The following LRRC1 variants were observed in gnomAD, a reference collection of about 807,000 sequenced individuals.
LRRC1 encodes the protein leucine-rich repeat-containing protein 1.
Under a neutral mutation model 69.9 loss-of-function variants are expected in LRRC1, and 28 were observed. That is an observed-to-expected ratio of 0.40 (90% CI 0.30 to 0.55). The LOEUF (loss-of-function observed/expected upper bound fraction) is 0.55, where lower values mean the gene tolerates loss of function less well. Among genes scored for constraint, LRRC1 ranks in the 20% least tolerant of loss-of-function variants. The probability of loss-of-function intolerance (pLI) is 0.47; values close to 1 mark genes in which losing one functional copy is unlikely to be tolerated. For missense variants in LRRC1, 498 were observed against 609.0 expected, an observed-to-expected ratio of 0.82 and a Z score of 1.92; for synonymous variants, 236 against 240.2, an observed-to-expected ratio of 0.98 and a Z score of 0.16.
intron 3 of LRRC1, among the ~76,000 whole-genome samples, chr6:53,881,684 AAGAT>A (rs1251911566): frequency 1.3e-5 from 2 of 152,218 alleles, no homozygotes. Context: ...GGAACCTAGA[AAGAT>A]AAAAATGGAA....
At chr6:53,896,364 A>AT in intron 4 of LRRC1, 134 bp from the exon 5 acceptor site, 1 of 712,642 alleles carries the variant, frequency 1.4e-6, no homozygotes, top group Non-Finnish European at 2.5e-6. Context: ...GATGATAGGT[A>AT]TTTTTACCCT....
At chr6:53,840,913 TGTGTGTGTGTGTGTGC>T (rs1164639456) in intron 1 of LRRC1, among the ~76,000 whole-genome samples, 1 of 144,408 alleles carries the variant, frequency 6.9e-6, no homozygotes, top group South Asian at 2.2e-4. Context: ...TGTGTGTGTG[TGTGTGTGTGTGTGTGC>T]GTGCGCGCAC....
intron 1 of LRRC1, among the ~76,000 whole-genome samples, chr6:53,829,763 G>A (rs950949729): frequency 1.3e-5 from 2 of 152,120 alleles, no homozygotes; most frequent in African/African-American, 4.8e-5. Flanking sequence ...AATTGTCCTG[G>A]GAGCTTACCG....
intron 1 of LRRC1, among the ~76,000 whole-genome samples, chr6:53,819,077 A>G (rs1355926192): frequency 6.6e-6 from 1 of 152,184 alleles, no homozygotes; most frequent in Non-Finnish European, 1.5e-5. Context: ...TCAGAGCCTG[A>G]GTTAAAGCTC....
chr6:53,901,231 C>T (rs183328047), intron 8 of LRRC1, among the ~76,000 whole-genome samples: 1 of 152,176 alleles, frequency 6.6e-6, no homozygotes, highest in African/African-American at 2.4e-5. Context: ...ATCAAATGGG[C>T]AAAATGAAAG....
In LRRC1 at chr6:53,796,100, G is replaced by C. The variant is rs376842683; in HGVS notation, c.159+685G>C. Among the ~76,000 whole-genome samples, 7 of 152,340 alleles carry C rather than the reference G, an allele frequency of 4.6e-5. No individual in the cohort carries two copies. In the East Asian group the frequency reaches 7.7e-4, roughly 17 times the overall value. On this transcript the variant is annotated intron_variant, in intron 1 of 13. Transcript: ENST00000370888. ...TACGTGGACCTGTTGCGTGGTGGGA[G>C]CTGCGGTGAACGTCAGCGGAGGCTC...
In LRRC1 at chr6:53,812,420, G is replaced by T. The variant is rs1764817903; in HGVS notation, c.159+17005G>T. On this transcript the variant is annotated intron_variant, in intron 1 of 13. Coordinates refer to ENST00000370888, the MANE Select transcript of LRRC1 (RefSeq NM_018214.5). ...AATTTGAAGAAAGAGGCCGGGCGCG[G>T]TGGCTCACGCCTGTAATCCCAGCAC... Among the ~76,000 whole-genome samples, 3 of 152,122 alleles carry T rather than the reference G, an allele frequency of 2.0e-5. No individual in the cohort carries two copies. In the South Asian group the frequency reaches 6.2e-4, roughly 32 times the overall value.
chr6:53,827,841 T>C (rs1362691582), intron 1 of LRRC1, among the ~76,000 whole-genome samples: 1 of 152,172 alleles, frequency 6.6e-6, no homozygotes, highest in African/African-American at 2.4e-5. Context: ...TAGTGTAAGA[T>C]ATGAGCAAGC....
At chr6:53,797,258 T>C (rs6458957) in intron 1 of LRRC1, among the ~76,000 whole-genome samples, 125,651 of 151,994 alleles carry the variant, frequency 0.83, 52,160 homozygotes, top group East Asian at 0.96. Flanking sequence ...TCTGTAAATA[T>C]GGTAAATAAA....
At chr6:53,817,679 A>G (rs1473146477) in intron 1 of LRRC1, among the ~76,000 whole-genome samples, 1 of 152,148 alleles carries the variant, frequency 6.6e-6, no homozygotes, top group South Asian at 2.1e-4. Context: ...CTCTGCTTCT[A>G]TGAACTGAAT....
chr6:53,829,045 T>C (rs1469292584), intron 1 of LRRC1, among the ~76,000 whole-genome samples: 1 of 152,224 alleles, frequency 6.6e-6, no homozygotes, highest in Non-Finnish European at 1.5e-5. Flanking sequence ...CTGTATTTAC[T>C]GTATTAAGTA....
chr6:53,907,192 TC>T (rs1459047542), intron 10 of LRRC1, among the ~76,000 whole-genome samples: 10 of 152,236 alleles, frequency 6.6e-5, no homozygotes, highest in African/African-American at 2.2e-4. Flanking sequence ...CTGATTGGAT[TC>T]TTCCAAAAAT....
In LRRC1 at chr6:53,842,354, T is replaced by G. The variant is rs1765818470; in HGVS notation, c.277+127T>G. On this transcript the variant is annotated intron_variant, in intron 2 of 13. Coordinates refer to ENST00000370888, the MANE Select transcript of LRRC1 (RefSeq NM_018214.5). ...TGTCCTTGTGATAGTTCGCTGAGAA[T>G]GATGGTTTCCAGCTTCATCCATGTC... 3 of 643,282 alleles carry G rather than the reference T, an allele frequency of 4.7e-6. No homozygotes were observed. In the East Asian group the frequency reaches 8.0e-5, roughly 17 times the overall value. The allele number at this position is 643,282 out of a possible 1,614,324, so 39.8% of individuals were successfully genotyped here. A position where few individuals can be genotyped will look rare whatever the true frequency, so the allele number is the denominator to read the frequency against.
intron 10 of LRRC1, among the ~76,000 whole-genome samples, chr6:53,906,488 C>T (rs184184120): frequency 7.2e-5 from 11 of 152,324 alleles, no homozygotes; most frequent in African/African-American, 2.4e-4. Flanking sequence ...CCCCAGCTTC[C>T]CTGATCCCCT....
intron 1 of LRRC1, among the ~76,000 whole-genome samples, chr6:53,808,764 A>G (rs1186328493): frequency 6.6e-6 from 1 of 152,270 alleles, no homozygotes; most frequent in East Asian, 1.9e-4. Context: ...CTGATGAGCC[A>G]TAAGTTGCAT....
chr6:53,885,209 T>C (rs1234935706), intron 4 of LRRC1, among the ~76,000 whole-genome samples: 1 of 152,218 alleles, frequency 6.6e-6, no homozygotes, highest in Non-Finnish European at 1.5e-5. Context: ...CCAAGACCTT[T>C]TGGAAAATGC....
intron 1 of LRRC1, among the ~76,000 whole-genome samples, chr6:53,807,037 A>G (rs1029319249): frequency 5.3e-5 from 8 of 152,186 alleles, no homozygotes; most frequent in African/African-American, 1.9e-4. Context: ...TGATTTTAGT[A>G]CCTGAGAGAT....
chr6:53,841,897 G>A (rs1441119876), intron 1 of LRRC1, among the ~76,000 whole-genome samples: 2 of 152,044 alleles, frequency 1.3e-5, no homozygotes, highest in Admixed American at 6.6e-5. Flanking sequence ...TAGATTGATA[G>A]GAAGTTCAAA....
Position 53,850,553 on chromosome 6 carries a change from T to C in LRRC1, c.277+8326T>C, listed in dbSNP as rs186900260. ...AAAGAACATAATAACTAAAACTCAG[T>C]GCATAATAATAACAAAGCTATATGA... On this transcript the variant is annotated intron_variant, in intron 2 of 13. Coordinates refer to ENST00000370888, the MANE Select transcript of LRRC1 (RefSeq NM_018214.5). Among the ~76,000 whole-genome samples the C allele has an allele frequency of 2.5e-4, 38 of 152,388 alleles. No individual in the cohort carries two copies. In the East Asian group the frequency reaches 6.7e-3, roughly 27 times the overall value.
Sources: allele counts gnomAD v4.1 joint callset (sites outside exome capture counted in the v4.1 genomes callset), GRCh38; gene constraint gnomAD v4.1.1; transcripts MANE v1.5; gene names NCBI Gene and HGNC (gene_info 2026-07-23, HGNC 2026-07-21).